Variants in CDK14 observed in about 807,000 individuals in gnomAD.
CDK14 encodes cyclin-dependent kinase 14.
Under a neutral mutation model 60.7 loss-of-function variants are expected in CDK14, and 34 were observed. That is an observed-to-expected ratio of 0.56 (90% confidence interval 0.43 to 0.75). CDK14 has a LOEUF of 0.75. CDK14 is among the 30% of genes least tolerant of loss of function. The pLI, the probability that CDK14 is intolerant of heterozygous loss-of-function variation, is 0.00. For synonymous variants in CDK14, 197 were observed against 203.7 expected (o/e 0.97, Z 0.28); for missense variants, 482 against 564.1 (o/e 0.85, Z 1.47).
chr7:90,804,093 T>C lies in CDK14; in HGVS notation c.544+13441T>C, dbSNP rs985992858. Among the ~76,000 whole-genome samples, 82 of 152,318 alleles carry C rather than the reference T, an allele frequency of 5.4e-4. 1 individual carries two copies. Among genetic ancestry groups the C allele is most frequent in the African/African-American group, 1.3e-3 (52 of 41,572 alleles). ...ACAGAAACCCATATGATGAAAATTG[T>C]ACACAGATTCTTCTCAGGCTTCCCC... On this transcript the variant is annotated intron_variant, in intron 5 of 14. Transcript: ENST00000380050.
chr7:90,657,081 A>T (rs777380803), intron 2 of CDK14, among the ~76,000 whole-genome samples: 2 of 152,158 alleles, frequency 1.3e-5, no homozygotes, highest in Non-Finnish European at 2.9e-5. Flanking sequence ...TGTCACAAAC[A>T]TTTGGTTGAT....
At chr7:90,702,753 CAA>C (rs1801814684) in intron 2 of CDK14, among the ~76,000 whole-genome samples, 1 of 152,124 alleles carries the variant, frequency 6.6e-6, no homozygotes, top group African/African-American at 2.4e-5. Context: ...TATTACTTAA[CAA>C]ATACTTTTTA....
intron 10 of CDK14, among the ~76,000 whole-genome samples, chr7:91,010,361 G>A (rs547148179): frequency 1.6e-4 from 24 of 152,050 alleles, no homozygotes; most frequent in Admixed American, 3.3e-4. Context: ...GAGATAACTG[G>A]CATTTTAGTA....
chr7:91,034,068 G>C (rs1796841328), intron 10 of CDK14, among the ~76,000 whole-genome samples: 1 of 152,156 alleles, frequency 6.6e-6, no homozygotes, highest in Non-Finnish European at 1.5e-5. Context: ...TTATTTATTT[G>C]TTATCCTCGA....
At chr7:90,664,709 T>G (rs942526997) in intron 2 of CDK14, among the ~76,000 whole-genome samples, 1 of 151,072 alleles carries the variant, frequency 6.6e-6, no homozygotes, top group Non-Finnish European at 1.5e-5. Flanking sequence ...AAACACGGCA[T>G]GTTCTCACTC....
intron 5 of CDK14, among the ~76,000 whole-genome samples, chr7:90,820,533 C>G (rs546356342): frequency 2.0e-5 from 3 of 152,188 alleles, no homozygotes; most frequent in African/African-American, 7.2e-5. Context: ...TAAGATATGC[C>G]TTTCTTCTCC....
chr7:90,598,099 C>T (rs1464745709), intron 1 of CDK14, among the ~76,000 whole-genome samples: 1 of 152,156 alleles, frequency 6.6e-6, no homozygotes, highest in Non-Finnish European at 1.5e-5. Context: ...TGACCCAAAC[C>T]GTCGCAGAGG....
At chr7:91,026,266 A>T (rs763828) in intron 10 of CDK14, among the ~76,000 whole-genome samples, 34,644 of 152,048 alleles carry the variant, frequency 0.23, 4,278 homozygotes, top group Middle Eastern at 0.29. Context: ...GAGAGATCAG[A>T]GGAAGAGCAA....
intron 2 of CDK14, among the ~76,000 whole-genome samples, chr7:90,670,273 A>G (rs1801068736): frequency 1.3e-5 from 2 of 152,212 alleles, no homozygotes. Flanking sequence ...TTAACTCTGT[A>G]GACTTGGGAT....
chr7:91,179,952 A>T (rs574230803), intron 14 of CDK14, among the ~76,000 whole-genome samples: 3 of 152,362 alleles, frequency 2.0e-5, no homozygotes, highest in Non-Finnish European at 4.4e-5. Flanking sequence ...AGGAATTTTT[A>T]AAAAATTAGA....
chr7:91,112,773 T>A, intron 13 of CDK14, 92 bp downstream of exon 13: 1 of 1,336,274 alleles, frequency 7.5e-7, no homozygotes, highest in Non-Finnish European at 1.1e-6. Flanking sequence ...GATTCACATA[T>A]TTGTGTGTCC....
At chr7:90,952,976 A>T (rs573633836) in intron 8 of CDK14, among the ~76,000 whole-genome samples, 1 of 152,108 alleles carries the variant, frequency 6.6e-6, no homozygotes. Flanking sequence ...TTATACTTCA[A>T]AGTCTCTTTC....
intron 1 of CDK14, among the ~76,000 whole-genome samples, chr7:90,600,443 T>C (rs1006523732): frequency 6.6e-6 from 1 of 152,232 alleles, no homozygotes; most frequent in Non-Finnish European, 1.5e-5. Context: ...TTCATACTTA[T>C]TTGGACTGTC....
chr7:90,953,528 C>G (rs1394844098), intron 8 of CDK14, among the ~76,000 whole-genome samples: 1 of 152,078 alleles, frequency 6.6e-6, no homozygotes, highest in Non-Finnish European at 1.5e-5. Flanking sequence ...CATAGTTGAT[C>G]TGAAATTACA....
chr7:91,169,684 G>A (rs1165441011), intron 14 of CDK14, among the ~76,000 whole-genome samples: 1 of 152,122 alleles, frequency 6.6e-6, no homozygotes, highest in Non-Finnish European at 1.5e-5. Context: ...ACAGTAACAA[G>A]CCTGCCAGAA....
At chr7:91,176,932 G>A (rs1399205315) in intron 14 of CDK14, among the ~76,000 whole-genome samples, 3 of 152,146 alleles carry the variant, frequency 2.0e-5, no homozygotes, top group South Asian at 2.1e-4. Context: ...CAATAGAAAA[G>A]GAGGGAATCC....
chr7:91,080,355 G>A (rs1438301417), intron 12 of CDK14, among the ~76,000 whole-genome samples: 2 of 152,196 alleles, frequency 1.3e-5, no homozygotes, highest in Non-Finnish European at 2.9e-5. Context: ...ACAGTGGACA[G>A]CTAATGGCGA....
intron 5 of CDK14, among the ~76,000 whole-genome samples, chr7:90,793,008 C>G (rs1345432932): frequency 1.3e-5 from 2 of 152,152 alleles, no homozygotes; most frequent in East Asian, 3.9e-4. Context: ...TAGTGGCTGA[C>G]CATCATTTTA....
chr7:90,994,562 A>G (rs536194281), intron 10 of CDK14, among the ~76,000 whole-genome samples: 3 of 152,222 alleles, frequency 2.0e-5, no homozygotes, highest in Non-Finnish European at 4.4e-5. Context: ...ATTAGAGCAT[A>G]TCACCAAGTC....
Sources: gnomAD v4.1 joint callset for allele counts (sites outside exome capture counted in the v4.1 genomes callset) on GRCh38, gnomAD v4.1.1 for gene constraint, MANE v1.5 for transcripts, NCBI Gene and HGNC (gene_info 2026-07-23, HGNC 2026-07-21) for gene names.